The following PER3 variants were observed in gnomAD, a reference collection of about 807,000 sequenced individuals.
PER3 encodes the protein period circadian regulator 3.
In PER3, 107 loss-of-function variants were observed where a neutral mutation model predicts 127.2. The observed-to-expected ratio is 0.84, with a 90% CI of 0.72 to 0.99. The LOEUF (loss-of-function observed/expected upper bound fraction) is 0.99. Among genes scored for constraint, PER3 ranks in the 50% least tolerant of loss-of-function variants. The probability of loss-of-function intolerance (pLI) is 0.00; values close to 1 mark genes in which losing one functional copy is unlikely to be tolerated. For missense variants in PER3, 1,560 were observed against 1,525.8 expected, an observed-to-expected ratio of 1.02 and a Z score of -0.37; for synonymous variants, 618 against 585.8, an observed-to-expected ratio of 1.05 and a Z score of -0.79.
chr1:7,833,514 T>G (rs1299964054), intron 19 of PER3, among the ~76,000 whole-genome samples: 2 of 152,238 alleles, frequency 1.3e-5, no homozygotes, highest in Non-Finnish European at 2.9e-5. Context: ...GAAATATGTC[T>G]TGCTTTGAAG....
At chr1:7,790,075 T>C (rs1333779532) in intron 5 of PER3, among the ~76,000 whole-genome samples, 2 of 152,232 alleles carry the variant, frequency 1.3e-5, no homozygotes, top group Non-Finnish European at 2.9e-5. Context: ...GCCAGGTCTT[T>C]CCCATTTTTT....
chr1:7,820,527 A>T lies in PER3; in HGVS notation c.1844A>T (p.Asp615Val), dbSNP rs775486636. Residue 615 changes from aspartate to valine, a missense_variant, in exon 16 of 22, where the codon GAC becomes GTC. Physicochemically the swap from Asp to Val is radical, Grantham distance 152. This residue lies in a region of PER3 where 1,332 missense variants were observed against 1,223.6 expected (regional missense o/e 1.09). Transcript: ENST00000377532. ...SEMPTNGRSIDTGGGAPQILS... is the reference protein window; with the variant it reads ...SEMPTNGRSIVTGGGAPQILS... ...ATGCCAACAAATGGACGGTCCATAG[A>T]CACAGGAGGAGGAGCTCCACAGATC... 18 of 1,614,148 alleles carry T rather than the reference A, an allele frequency of 1.1e-5. No individual in the cohort carries two copies. The highest frequency in any genetic ancestry group is 1.5e-5 in the Non-Finnish European group (18 of 1,179,994).
intron 7 of PER3, 66 bp downstream of exon 7, chr1:7,798,739 G>A (rs369533576): frequency 7.9e-5 from 106 of 1,348,584 alleles, no homozygotes; most frequent in East Asian, 3.2e-4. Flanking sequence ...GTCTGTTTAC[G>A]TCAGTCATAG....
intron 5 of PER3, chr1:7,788,521 A>G: frequency 6.1e-6 from 2 of 328,094 alleles, no homozygotes; most frequent in Non-Finnish European, 5.6e-6. Context: ...TTTAGTTGCT[A>G]TGAAGGCTCT....
intron 18 of PER3, 21 bp downstream of exon 18, chr1:7,827,836 A>T: frequency 6.5e-7 from 1 of 1,548,396 alleles, no homozygotes; most frequent in Non-Finnish European, 8.9e-7. Flanking sequence ...CTCATTTTCA[A>T]CACTCAAGTG....
At chr1:7,836,749 C>T (rs535981481) in intron 20 of PER3, 21 of 317,320 alleles carry the variant, frequency 6.6e-5, no homozygotes, top group African/African-American at 4.5e-4. Context: ...TTTGCCCCTT[C>T]TAAAAAGAGC....
intron 16 of PER3, 52 bp downstream of exon 16, chr1:7,820,692 T>A: frequency 2.7e-6 from 4 of 1,455,348 alleles, no homozygotes; most frequent in Non-Finnish European, 3.7e-6. Context: ...AACTACATTG[T>A]GATGAGAAAA....
intron 5 of PER3, chr1:7,788,532 G>A (rs1473592561): frequency 1.1e-5 from 3 of 283,394 alleles, no homozygotes; most frequent in Non-Finnish European, 2.0e-5. Flanking sequence ...TGAAGGCTCT[G>A]TTTCCTTTAA....
Position 7,786,827 on chromosome 1 carries a change from CA to C in PER3, c.386del (p.Asn129ThrfsTer16). The C allele has an allele frequency of 2.5e-6, 4 of 1,582,152 alleles. No homozygotes were observed. Among genetic ancestry groups the C allele is most frequent in the Non-Finnish European group, 3.5e-6 (4 of 1,150,924 alleles). On this transcript the variant is annotated frameshift_variant, in exon 4 of 22. Coordinates refer to ENST00000377532, the MANE Select transcript of PER3 (RefSeq NM_001377275.1). LOFTEE classifies it high-confidence loss of function. ...CCACTATCGCTTCAGAACACACTTC[CA>C]AAAACACAGTAAGAATTCATGCATT... Reference protein sequence around the residue: ...LATIASEHTSKNTDTFVAVFS... With the variant: ...LATIASEHTSXNTDTFVAVFS...
chr1:7,798,478 C>G, intron 6 of PER3, 47 bp from the exon 7 acceptor site: 1 of 1,523,106 alleles, frequency 6.6e-7, no homozygotes, highest in East Asian at 2.3e-5. Flanking sequence ...TCGCCATGGG[C>G]CAGTAGGGTG....
At chr1:7,810,283 A>G in intron 12 of PER3, 155 bp from the exon 13 acceptor site, 1 of 641,852 alleles carries the variant, frequency 1.6e-6, no homozygotes, top group Non-Finnish European at 2.7e-6. Context: ...GTACCAGTAT[A>G]CTGTGGCATG....
chr1:7,829,229 A>G (rs569749283), intron 18 of PER3, among the ~76,000 whole-genome samples: 1 of 152,340 alleles, frequency 6.6e-6, no homozygotes, highest in African/African-American at 2.4e-5. Flanking sequence ...TACTATACAT[A>G]TCTATGGTAA....
At chr1:7,816,408 A>T (rs748537834) in intron 13 of PER3, among the ~76,000 whole-genome samples, 1 of 152,234 alleles carries the variant, frequency 6.6e-6, no homozygotes, top group Non-Finnish European at 1.5e-5. Flanking sequence ...ACCCAATCTT[A>T]TCTGAAAGGC....
chr1:7,843,970 A>G lies in PER3; in HGVS notation c.*1215A>G, dbSNP rs899384076. 4 of 1,272,316 alleles carry G rather than the reference A, an allele frequency of 3.1e-6. No individual in the cohort carries two copies. The highest frequency in any genetic ancestry group is 4.1e-6 in the Non-Finnish European group (4 of 974,908). The allele number at this position is 1,272,316 out of a possible 1,614,324, so 78.8% of individuals were successfully genotyped here. A position where few individuals can be genotyped will look rare whatever the true frequency, so the allele number is the denominator to read the frequency against. Reference sequence around the variant, plus strand: ...ACACCCCTGCAGATCAGAAAAAACAAATAGAAGAAAATGAGGGTTACAGTA... The same window carrying G: ...ACACCCCTGCAGATCAGAAAAAACAGATAGAAGAAAATGAGGGTTACAGTA... On this transcript the variant is annotated 3_prime_UTR_variant, in exon 22 of 22. Coordinates refer to ENST00000377532, the MANE Select transcript of PER3 (RefSeq NM_001377275.1).
chr1:7,793,271 C>A (rs1214993397), intron 5 of PER3, among the ~76,000 whole-genome samples: 4 of 152,092 alleles, frequency 2.6e-5, no homozygotes, highest in Non-Finnish European at 5.9e-5. Context: ...AATTTCAGTC[C>A]CCTCATCTCC....
chr1:7,833,089 A>AT (rs568039450), intron 19 of PER3, among the ~76,000 whole-genome samples: 40 of 151,938 alleles, frequency 2.6e-4, no homozygotes, highest in African/African-American at 3.9e-4. Flanking sequence ...ATATTTGGAG[A>AT]TTTTTTTTAG....
chr1:7,797,614 C>A (rs1350433429), intron 6 of PER3, among the ~76,000 whole-genome samples: 1 of 144,218 alleles, frequency 6.9e-6, no homozygotes, highest in African/African-American at 2.6e-5. Flanking sequence ...CCAGCCTGGG[C>A]AACAGAGCGA....
In PER3 at chr1:7,827,570, GC is replaced by G. The variant is rs756683156; in HGVS notation, c.2642del (p.Ala881GlyfsTer15). 3 of 1,614,052 alleles carry G rather than the reference GC, an allele frequency of 1.9e-6. No homozygotes were observed. ...GTTTTTGCCATGTCCATTCCTGGGGGCGACAGCCTCTTCTGCGATATCACCC... is the reference window on the plus strand; with the variant it reads ...GTTTTTGCCATGTCCATTCCTGGGGGGACAGCCTCTTCTGCGATATCACCC... ...PSFLPCPFLG[A>X]TASSAISPSM... On this transcript the variant is annotated frameshift_variant, in exon 18 of 22. Coordinates refer to ENST00000377532, the MANE Select transcript of PER3 (RefSeq NM_001377275.1). LOFTEE classifies it high-confidence loss of function.
chr1:7,805,904 A>T (rs559725903), intron 10 of PER3, among the ~76,000 whole-genome samples: 5 of 152,326 alleles, frequency 3.3e-5, no homozygotes, highest in South Asian at 4.1e-4. Context: ...AAAAAATTAC[A>T]CTGGTATTTA....
Sources: allele counts gnomAD v4.1 joint callset (sites outside exome capture counted in the v4.1 genomes callset), GRCh38; gene constraint gnomAD v4.1.1; regional missense constraint gnomAD v4.1.1; transcripts MANE v1.5; gene names NCBI Gene and HGNC (gene_info 2026-07-23, HGNC 2026-07-21).